The following CDH18 variants were observed in gnomAD, a reference collection of about 807,000 sequenced individuals.
The protein encoded by CDH18 is cadherin 18, also known as cadherin-18.
Under a neutral mutation model 67.9 loss-of-function variants are expected in CDH18, and 31 were observed. The observed-to-expected ratio is 0.46, with a 90% CI of 0.34 to 0.62. The LOEUF is 0.62. CDH18 is among the 20% of genes least tolerant of loss of function. CDH18 has a pLI of 0.01. For missense variants in CDH18, 890 were observed against 975.5 expected, an observed-to-expected ratio of 0.91 and a Z score of 1.17; for synonymous variants, 362 against 347.2, an observed-to-expected ratio of 1.04 and a Z score of -0.48.
intron 6 of CDH18, among the ~76,000 whole-genome samples, chr5:19,611,128 T>G (rs1243502790): frequency 1.3e-5 from 2 of 152,152 alleles, no homozygotes; most frequent in Non-Finnish European, 2.9e-5. Context: ...GCAAAACAAT[T>G]AAGCGTCTTC....
intron 1 of CDH18, among the ~76,000 whole-genome samples, chr5:20,263,100 A>G (rs1336750783): frequency 1.3e-5 from 2 of 151,880 alleles, no homozygotes; most frequent in African/African-American, 4.8e-5. Context: ...ATAAAAAAAA[A>G]TACACACACA....
intron 4 of CDH18, among the ~76,000 whole-genome samples, chr5:19,729,975 T>TCTGCCTTTCTGTCTCTCTCTCC (rs1309005051): frequency 1.0e-3 from 153 of 152,178 alleles, no homozygotes; most frequent in African/African-American, 3.5e-3. Context: ...TCTCTCTGTC[T>TCTGCCTTTCTGTCTCTCTCTCC]CTGCCTTTCT....
chr5:19,931,187 T>C (rs1360631547), intron 2 of CDH18, among the ~76,000 whole-genome samples: 1 of 151,944 alleles, frequency 6.6e-6, no homozygotes, highest in Non-Finnish European at 1.5e-5. Flanking sequence ...ATCTACTTGA[T>C]TAATAAAATT....
chr5:19,788,960 G>A (rs1235562524), intron 3 of CDH18, among the ~76,000 whole-genome samples: 1 of 152,188 alleles, frequency 6.6e-6, no homozygotes, highest in Non-Finnish European at 1.5e-5. Flanking sequence ...TGGGGTGTCA[G>A]TAAATTTGCA....
In CDH18 at chr5:19,471,560, A is replaced by G. The variant is rs1199602712; in HGVS notation, c.*1666T>C. On this transcript the variant is annotated 3_prime_UTR_variant, in exon 13 of 13. Coordinates refer to ENST00000382275, the MANE Select transcript of CDH18 (RefSeq NM_004934.5). Reference sequence around the variant, plus strand: ...CAACTAATTCCTATTTCATGTATTTAAGAATTTCAATATTTCTGAAATATA... The same window carrying G: ...CAACTAATTCCTATTTCATGTATTTGAGAATTTCAATATTTCTGAAATATA... Among the ~76,000 whole-genome samples the G allele has an allele frequency of 1.3e-5, 2 of 151,966 alleles. No homozygotes were observed. Among genetic ancestry groups the G allele is most frequent in the Admixed American group, 6.6e-5 (1 of 15,200 alleles).
chr5:20,084,425 A>G (rs1476614692), intron 2 of CDH18, among the ~76,000 whole-genome samples: 1 of 152,052 alleles, frequency 6.6e-6, no homozygotes, highest in Non-Finnish European at 1.5e-5. Context: ...GCTGGTCTTG[A>G]GTGTCTGCAG....
chr5:20,268,861 G>A (rs1185919516), intron 1 of CDH18, among the ~76,000 whole-genome samples: 2 of 152,126 alleles, frequency 1.3e-5, no homozygotes, highest in Non-Finnish European at 2.9e-5. Flanking sequence ...GCAACAACAC[G>A]AAGTAGACAA....
At chr5:20,416,854 G>C (rs1207815082) in intron 1 of CDH18, among the ~76,000 whole-genome samples, 5 of 151,916 alleles carry the variant, frequency 3.3e-5, no homozygotes, top group Non-Finnish European at 1.5e-5. Context: ...AATAATTCCA[G>C]GATCAGTAAA....
intron 9 of CDH18, among the ~76,000 whole-genome samples, chr5:19,531,844 C>T (rs1273417714): frequency 1.3e-5 from 2 of 152,112 alleles, no homozygotes; most frequent in Non-Finnish European, 2.9e-5. Flanking sequence ...ATAAACTTGA[C>T]TCATTAACGC....
rs1252682762 is a variant in CDH18, at chr5:19,634,511, T to TA, written c.644-21911dup. ...AATAATGTAGTATATGCAAAGCACA[T>TA]AAAAAACTGCCTAGAGAAGCACAAG... is the stretch of plus-strand genomic sequence containing the variant. On this transcript the variant is annotated intron_variant, in intron 5 of 12. Transcript: ENST00000382275. Among the ~76,000 whole-genome samples the TA allele has an allele frequency of 1.6e-4, 24 of 152,250 alleles. No individual in the cohort carries two copies. The Middle Eastern group carries it at 0.02, about 129-fold the overall frequency.
At chr5:20,369,507 T>C (rs1031716571) in intron 1 of CDH18, among the ~76,000 whole-genome samples, 1 of 152,250 alleles carries the variant, frequency 6.6e-6, no homozygotes. Flanking sequence ...CTTTTTCATT[T>C]ATTTCACCTA....
At chr5:19,668,018 T>C (rs1012140232) in intron 5 of CDH18, among the ~76,000 whole-genome samples, 11 of 152,024 alleles carry the variant, frequency 7.2e-5, no homozygotes, top group Non-Finnish European at 1.6e-4. Context: ...ATAAAAAAAC[T>C]ATAAAAAACT....
chr5:19,763,550 T>C (rs1183847796), intron 3 of CDH18, among the ~76,000 whole-genome samples: 1 of 152,178 alleles, frequency 6.6e-6, no homozygotes, highest in Non-Finnish European at 1.5e-5. Context: ...AAATGTGATA[T>C]TTTTTGTTGA....
intron 1 of CDH18, among the ~76,000 whole-genome samples, chr5:20,292,079 T>C (rs1171908993): frequency 6.6e-6 from 1 of 152,204 alleles, no homozygotes; most frequent in Non-Finnish European, 1.5e-5. Context: ...GGGTCAGTAA[T>C]GAACCATTTG....
intron 1 of CDH18, among the ~76,000 whole-genome samples, chr5:20,376,254 C>G (rs1360556323): frequency 2.6e-5 from 4 of 151,274 alleles, no homozygotes; most frequent in Non-Finnish European, 5.9e-5. Context: ...CCACCTCGCC[C>G]AGCTAATTTT....
intron 5 of CDH18, among the ~76,000 whole-genome samples, chr5:19,625,131 A>T (rs996303797): frequency 6.6e-6 from 1 of 152,116 alleles, no homozygotes; most frequent in Non-Finnish European, 1.5e-5. Context: ...TGTGGTTCTC[A>T]TGTTGCCACA....
In CDH18 at chr5:20,381,722, C is replaced by T. The variant is rs11955504; in HGVS notation, c.-579-126217G>A. 0.017 allele frequency among the ~76,000 whole-genome samples: 2,615 copies of T among 152,016 alleles called. 253 individuals carry two copies. In the East Asian group the frequency reaches 0.3, roughly 17 times the overall value. On this transcript the variant is annotated intron_variant, in intron 1 of 14. Coordinates refer to the CDH18 transcript ENST00000507958. ...GAGAGAAGAATATCTACAAGGGTGGCCCTGAGAGTCAAAAAACAATTGTGG... is the reference window on the plus strand; with the variant it reads ...GAGAGAAGAATATCTACAAGGGTGGTCCTGAGAGTCAAAAAACAATTGTGG...
At chr5:19,584,811 A>AAAG (rs1743882438) in intron 7 of CDH18, among the ~76,000 whole-genome samples, 1 of 143,154 alleles carries the variant, frequency 7.0e-6, no homozygotes, top group Non-Finnish European at 1.5e-5. Context: ...AAAAAAAAAA[A>AAAG]AGAAAAAAAG....
chr5:19,952,220 T>G (rs546329853), intron 2 of CDH18, among the ~76,000 whole-genome samples: 1 of 152,210 alleles, frequency 6.6e-6, no homozygotes, highest in African/African-American at 2.4e-5. Flanking sequence ...TGGCTAATTT[T>G]TTGTGGTTTT....
Sources: gnomAD v4.1 joint callset for allele counts (sites outside exome capture counted in the v4.1 genomes callset) on GRCh38, gnomAD v4.1.1 for gene constraint, MANE v1.5 for transcripts, NCBI Gene and HGNC (gene_info 2026-07-23, HGNC 2026-07-21) for gene names.